Variants in CACNA1D observed in about 807,000 individuals in gnomAD.
CACNA1D encodes the protein calcium voltage-gated channel subunit alpha1 D.
Under a neutral mutation model 257.1 loss-of-function variants are expected in CACNA1D, and 55 were observed. That is an observed-to-expected ratio of 0.21 (90% CI 0.17 to 0.27). The LOEUF is 0.27. Ranked by LOEUF, CACNA1D falls within the 10% of genes least tolerant of loss-of-function variation. The pLI is 1.00. For missense variants in CACNA1D, 1,876 were observed against 2,784.0 expected (o/e 0.67, Z 7.34); for synonymous variants, 980 against 1,014.9 (o/e 0.97, Z 0.65).
intron 3 of CACNA1D, among the ~76,000 whole-genome samples, chr3:53,509,329 G>A (rs2091008572): frequency 6.6e-6 from 1 of 152,052 alleles, no homozygotes; most frequent in South Asian, 2.1e-4. Flanking sequence ...TCATGCTCAT[G>A]AGTGTGTGAG....
intron 8 of CACNA1D, among the ~76,000 whole-genome samples, chr3:53,675,539 G>A (rs1175640011): frequency 6.6e-6 from 1 of 152,072 alleles, no homozygotes; most frequent in Non-Finnish European, 1.5e-5. Context: ...GGCAGGAACC[G>A]TTGCCCCAGC....
intron 46 of CACNA1D, chr3:53,809,726 A>G: frequency 1.8e-6 from 1 of 553,116 alleles, no homozygotes; most frequent in Non-Finnish European, 3.3e-6. Context: ...ATGAATTAGC[A>G]ACTGATACCT....
intron 19 of CACNA1D, among the ~76,000 whole-genome samples, chr3:53,735,120 A>C (rs1433571942): frequency 1.3e-5 from 2 of 152,204 alleles, no homozygotes; most frequent in Non-Finnish European, 2.9e-5. Flanking sequence ...CCCACTTCCA[A>C]GGACTTGGCA....
intron 9 of CACNA1D, among the ~76,000 whole-genome samples, chr3:53,716,196 A>G (rs947239665): frequency 2.6e-5 from 4 of 152,252 alleles, no homozygotes; most frequent in Non-Finnish European, 5.9e-5. Context: ...GACCCTCAAG[A>G]TTGTGGAGTT....
At chr3:53,621,784 C>A (rs764793534) in intron 3 of CACNA1D, among the ~76,000 whole-genome samples, 1 of 151,886 alleles carries the variant, frequency 6.6e-6, no homozygotes, top group African/African-American at 2.4e-5. Context: ...AACAAGCGAG[C>A]GATTTTTTTA....
intron 29 of CACNA1D, 71 bp from the exon 30 acceptor site, chr3:53,761,927 C>T: frequency 9.2e-7 from 1 of 1,084,402 alleles, no homozygotes. Context: ...CTCGGATTCG[C>T]CCCTATACGG....
chr3:53,659,242 A>G (rs1045015647), intron 4 of CACNA1D, among the ~76,000 whole-genome samples: 2 of 152,354 alleles, frequency 1.3e-5, no homozygotes, highest in Admixed American at 6.5e-5. Context: ...TTCTGAGACT[A>G]GGAAAAAATT....
intron 3 of CACNA1D, among the ~76,000 whole-genome samples, chr3:53,595,099 G>A (rs2107831528): frequency 6.6e-6 from 1 of 152,292 alleles, no homozygotes; most frequent in African/African-American, 2.4e-5. Flanking sequence ...CTATTTTAGT[G>A]ATGCTAATTG....
intron 26 of CACNA1D, 51 bp from the exon 27 acceptor site, chr3:53,749,217 C>T (rs1199607895): frequency 9.0e-6 from 12 of 1,338,096 alleles, no homozygotes; most frequent in South Asian, 1.2e-5. Flanking sequence ...CGGGCTGGGC[C>T]GTGTGGGCTG....
At chr3:53,749,605 C>A in intron 27 of CACNA1D, 136 bp downstream of exon 27, 1 of 706,688 alleles carries the variant, frequency 1.4e-6, no homozygotes, top group Non-Finnish European at 2.6e-6. Flanking sequence ...CTGTTCTAAG[C>A]ACACCCTCAG....
At chr3:53,659,914 T>G (rs2094186449) in intron 4 of CACNA1D, among the ~76,000 whole-genome samples, 4 of 152,216 alleles carry the variant, frequency 2.6e-5, no homozygotes, top group Admixed American at 2.6e-4. Flanking sequence ...GTTGCTCCAT[T>G]GCGGTAAAAA....
At chr3:53,795,409 TG>T (rs899154275) in intron 40 of CACNA1D, among the ~76,000 whole-genome samples, 3 of 152,152 alleles carry the variant, frequency 2.0e-5, no homozygotes, top group Non-Finnish European at 2.9e-5. Flanking sequence ...TGACTTTGCC[TG>T]GGTGGTGGTT....
chr3:53,809,520 G>A (rs2106895348), intron 46 of CACNA1D: 1 of 259,492 alleles, frequency 3.9e-6, no homozygotes, highest in Non-Finnish European at 7.6e-6. Flanking sequence ...TGTACCCAGT[G>A]CTTTAGCACA....
intron 3 of CACNA1D, among the ~76,000 whole-genome samples, chr3:53,646,291 A>T (rs1278042632): frequency 1.3e-5 from 2 of 152,226 alleles, no homozygotes; most frequent in African/African-American, 4.8e-5. Flanking sequence ...TGAGATATTG[A>T]GATCAGCTGT....
At chr3:53,792,815 G>T (rs1401237710) in intron 40 of CACNA1D, among the ~76,000 whole-genome samples, 1 of 152,144 alleles carries the variant, frequency 6.6e-6, no homozygotes, top group African/African-American at 2.4e-5. Flanking sequence ...TGTACCGAGA[G>T]GTCTAACCTA....
At chr3:53,688,781 C>A (rs1448973253) in intron 8 of CACNA1D, among the ~76,000 whole-genome samples, 2 of 152,158 alleles carry the variant, frequency 1.3e-5, no homozygotes, top group African/African-American at 4.8e-5. Context: ...ATCATTCCTT[C>A]GAATTTCTGC....
intron 8 of CACNA1D, among the ~76,000 whole-genome samples, chr3:53,681,897 C>T (rs529343821): frequency 1.3e-5 from 2 of 149,220 alleles, no homozygotes; most frequent in South Asian, 4.1e-4. Flanking sequence ...GGAAAACCCA[C>T]AGAAAGGAGG....
chr3:53,611,976 T>G (rs1342446198), intron 3 of CACNA1D, among the ~76,000 whole-genome samples: 1 of 152,236 alleles, frequency 6.6e-6, no homozygotes, highest in East Asian at 1.9e-4. Flanking sequence ...GGCCATAGTT[T>G]GCTGAACTCT....
chr3:53,640,503 G>A (rs1293040902), intron 3 of CACNA1D, among the ~76,000 whole-genome samples: 1 of 152,138 alleles, frequency 6.6e-6, no homozygotes, highest in South Asian at 2.1e-4. Context: ...CTAGTGAGGT[G>A]AAGTACCCAG....
Sources: allele counts gnomAD v4.1 joint callset (sites outside exome capture counted in the v4.1 genomes callset), GRCh38; gene constraint gnomAD v4.1.1; transcripts MANE v1.5; gene names NCBI Gene and HGNC (gene_info 2026-07-23, HGNC 2026-07-21).